NRXN1: variants seen among roughly 807,000 people sequenced by gnomAD.
NRXN1 encodes neurexin 1.
A neutral mutation model predicts 150.9 loss-of-function variants in NRXN1; 39 were observed. The ratio of observed to expected loss-of-function variants is 0.26; its 90% CI spans 0.20 to 0.34. The LOEUF is 0.34. Among genes scored for constraint, NRXN1 ranks in the 10% least tolerant of loss-of-function variants. The pLI is 1.00. For missense variants in NRXN1, 1,815 were observed against 1,949.9 expected (o/e 0.93, Z 1.30); for synonymous variants, 924 against 757.0 (o/e 1.22, Z -3.62).
intron 19 of NRXN1, among the ~76,000 whole-genome samples, chr2:50,086,338 C>T (rs1698771351): frequency 6.6e-6 from 1 of 152,124 alleles, no homozygotes; most frequent in Non-Finnish European, 1.5e-5. Flanking sequence ...AATAATATGA[C>T]TTCCTGAGCC....
intron 5 of NRXN1, among the ~76,000 whole-genome samples, chr2:50,825,120 T>C (rs534225928): frequency 1.3e-5 from 2 of 152,150 alleles, no homozygotes; most frequent in African/African-American, 4.8e-5. Context: ...TTTGGCAAAA[T>C]AGGGCACCCA....
At chr2:50,642,259 T>C (rs971939712) in intron 5 of NRXN1, among the ~76,000 whole-genome samples, 1 of 151,766 alleles carries the variant, frequency 6.6e-6, no homozygotes, top group African/African-American at 2.4e-5. Context: ...ATATTTACAA[T>C]GCAAAGGGGG....
At chr2:50,793,222 G>C (rs2105620147) in intron 5 of NRXN1, among the ~76,000 whole-genome samples, 1 of 152,224 alleles carries the variant, frequency 6.6e-6, no homozygotes, top group Non-Finnish European at 1.5e-5. Flanking sequence ...AGTAATGTTA[G>C]ATGAAAGCCC....
At chr2:50,652,385 C>T (rs755731129) in intron 5 of NRXN1, among the ~76,000 whole-genome samples, 2 of 152,034 alleles carry the variant, frequency 1.3e-5, no homozygotes, top group Non-Finnish European at 2.9e-5. Flanking sequence ...CATTCGTAGT[C>T]ATTCCCTCTT....
chr2:50,293,658 T>C (rs893519174), intron 17 of NRXN1, among the ~76,000 whole-genome samples: 4 of 152,078 alleles, frequency 2.6e-5, no homozygotes, highest in Non-Finnish European at 5.9e-5. Context: ...GAAGGAGACA[T>C]AGGAAATGAG....
chr2:50,956,009 C>G lies in NRXN1; in HGVS notation c.773-30054G>C, dbSNP rs556905656. On this transcript the variant is annotated intron_variant, in intron 2 of 22. Transcript: ENST00000401669. ...TTGGAAAACTAGTGCCTGGCTCTAC[C>G]CTAAAAACTCAGATCCTCTTGAGGT... Among the ~76,000 whole-genome samples, 43 of 152,150 alleles carry G rather than the reference C, an allele frequency of 2.8e-4. 1 individual carries two copies. The East Asian group carries it at 3.5e-3, about 12-fold the overall frequency.
rs796052777 is a variant in NRXN1 at position 50,497,646 on chromosome 2, G to A, written c.2566C>T (p.Arg856Trp). Reference protein sequence around the residue: ...NIETGIITERRYLSSVPSNFI... With the variant: ...NIETGIITERWYLSSVPSNFI... Reference sequence around the variant, plus strand: ...TTGGAGGGGACAGAAGAAAGATACCGTCGTTCTGTGATGATGCCAGTCTCT... The same window carrying A: ...TTGGAGGGGACAGAAGAAAGATACCATCGTTCTGTGATGATGCCAGTCTCT... Residue 856 changes from arginine (R) to tryptophan (W), a missense_variant, in exon 14 of 23, where the codon CGG (arginine) becomes TGG (tryptophan). Coordinates refer to ENST00000401669, the MANE Select transcript of NRXN1 (RefSeq NM_001330078.2). The A allele has an allele frequency of 5.0e-6, 8 of 1,613,602 alleles. No individual in the cohort carries two copies. Among genetic ancestry groups the A allele is most frequent in the African/African-American group, 1.3e-5 (1 of 74,898 alleles).
At chr2:50,641,677 G>C (rs1266324844) in intron 5 of NRXN1, among the ~76,000 whole-genome samples, 1 of 152,096 alleles carries the variant, frequency 6.6e-6, no homozygotes, top group Non-Finnish European at 1.5e-5. Context: ...AAGCGGTTTT[G>C]AGGTATTCTT....
chr2:50,040,421 A>G (rs932057437), intron 21 of NRXN1, among the ~76,000 whole-genome samples: 1 of 151,786 alleles, frequency 6.6e-6, no homozygotes, highest in African/African-American at 2.4e-5. Context: ...GAAAAAAGCA[A>G]AAGAAAGGAT....
chr2:50,756,741 C>A (rs1459894070), intron 5 of NRXN1, among the ~76,000 whole-genome samples: 7 of 151,818 alleles, frequency 4.6e-5, no homozygotes, highest in African/African-American at 1.7e-4. Flanking sequence ...ATGTTAAGAT[C>A]CACATCAAAA....
At chr2:50,260,450 T>G (rs894179871) in intron 17 of NRXN1, among the ~76,000 whole-genome samples, 2 of 151,814 alleles carry the variant, frequency 1.3e-5, no homozygotes, top group South Asian at 4.1e-4. Context: ...TGATTAGGTT[T>G]TGGGTTAAGA....
chr2:50,507,475 G>T (rs990130000), intron 12 of NRXN1, among the ~76,000 whole-genome samples: 1 of 152,056 alleles, frequency 6.6e-6, no homozygotes, highest in African/African-American at 2.4e-5. Context: ...TTACCAGTGG[G>T]CATCGAGTGG....
At chr2:50,686,290 G>A (rs1691222103) in intron 5 of NRXN1, among the ~76,000 whole-genome samples, 1 of 151,988 alleles carries the variant, frequency 6.6e-6, no homozygotes, top group South Asian at 2.1e-4. Flanking sequence ...TACACGTTAG[G>A]TTTCAAACAA....
chr2:50,152,692 G>A (rs538563522), intron 18 of NRXN1, among the ~76,000 whole-genome samples: 4 of 151,658 alleles, frequency 2.6e-5, no homozygotes, highest in Non-Finnish European at 5.9e-5. Flanking sequence ...AGAAATCTTA[G>A]CTAATCTTAT....
chr2:50,894,046 A>G (rs1439850245), intron 5 of NRXN1, among the ~76,000 whole-genome samples: 2 of 151,886 alleles, frequency 1.3e-5, no homozygotes, highest in Non-Finnish European at 2.9e-5. Flanking sequence ...TATTGTGAAT[A>G]ATGCCACACA....
At chr2:49,954,043 CTAATAA>C (rs1674480645) in intron 21 of NRXN1, among the ~76,000 whole-genome samples, 1 of 152,020 alleles carries the variant, frequency 6.6e-6, no homozygotes, top group Non-Finnish European at 1.5e-5. Flanking sequence ...ATTATTATAA[CTAATAA>C]TTTTTGTTCC....
chr2:50,314,339 A>C (rs1184774722), intron 17 of NRXN1, among the ~76,000 whole-genome samples: 1 of 152,048 alleles, frequency 6.6e-6, no homozygotes, highest in African/African-American at 2.4e-5. Flanking sequence ...ACTTTAAAAA[A>C]CAAAAACAAC....
chr2:50,813,651 G>A (rs1022466561), intron 5 of NRXN1, among the ~76,000 whole-genome samples: 1 of 152,144 alleles, frequency 6.6e-6, no homozygotes, highest in African/African-American at 2.4e-5. Context: ...TACTAAGTCT[G>A]AATCAGCTAG....
At chr2:50,440,442 T>C (rs891987591) in intron 17 of NRXN1, among the ~76,000 whole-genome samples, 2 of 152,004 alleles carry the variant, frequency 1.3e-5, no homozygotes, top group Non-Finnish European at 2.9e-5. Context: ...TAAAATACTA[T>C]ACCAAACTGA....
Sources: gnomAD v4.1 joint callset for allele counts (sites outside exome capture counted in the v4.1 genomes callset) on GRCh38, gnomAD v4.1.1 for gene constraint, MANE v1.5 for transcripts, NCBI Gene and HGNC (gene_info 2026-07-23, HGNC 2026-07-21) for gene names.